The following MRTFA variants were observed in gnomAD, a reference collection of about 807,000 sequenced individuals.
MRTFA encodes the protein myocardin-related transcription factor A.
MRTFA carries 20 observed loss-of-function variants against 83.5 expected under a neutral mutation model. The ratio of observed to expected loss-of-function variants is 0.24; its 90% CI spans 0.17 to 0.35. The LOEUF is 0.35. MRTFA is among the 10% of genes least tolerant of loss of function. The pLI is 1.00. For missense variants in MRTFA, 1,200 were observed against 1,224.7 expected (o/e 0.98, Z 0.30); for synonymous variants, 659 against 541.2 (o/e 1.22, Z -3.02).
chr22:40,418,830 C>T lies in MRTFA; in HGVS notation c.1908G>A (p.Ala636=), dbSNP rs143498125. Residue 636 remains alanine, a synonymous_variant, in exon 12 of 15, where the codon GCG becomes GCA. Transcript: ENST00000355630. ...GCTTCTGCCGGAGCATGCGCGTCAG[C>T]GCCTCGATCTGCTTGTCTTTCTCCT... 2.9e-4 allele frequency: 463 copies of T among 1,611,362 alleles called. 3 individuals are homozygous for T. The Middle Eastern group carries it at 5.6e-3, about 20-fold the overall frequency.
At chr22:40,549,913 G>A (rs922092785) in intron 3 of MRTFA, among the ~76,000 whole-genome samples, 1 of 152,074 alleles carries the variant, frequency 6.6e-6, no homozygotes, top group African/African-American at 2.4e-5. Flanking sequence ...GCCATTCATG[G>A]TGGCACATGC....
At chr22:40,534,389 T>TA (rs923731967) in intron 3 of MRTFA, among the ~76,000 whole-genome samples, 42 of 152,254 alleles carry the variant, frequency 2.8e-4, no homozygotes, top group African/African-American at 9.9e-4. Context: ...AAGAGCCTCT[T>TA]ACTTGTGCCT....
At chr22:40,583,367 C>G (rs752360825) in intron 2 of MRTFA, among the ~76,000 whole-genome samples, 5 of 152,296 alleles carry the variant, frequency 3.3e-5, no homozygotes, top group Admixed American at 2.0e-4. Flanking sequence ...AATTTTCCTG[C>G]AGAAGTGCCT....
chr22:40,590,680 G>GAAAAAAAAAA (rs56366993), intron 2 of MRTFA, among the ~76,000 whole-genome samples: 1 of 81,362 alleles, frequency 1.2e-5, no homozygotes, highest in Non-Finnish European at 2.5e-5. Flanking sequence ...CTCAAAAAAA[G>GAAAAAAAAAA]AAAAAAAAAA....
At chr22:40,564,691 C>A (rs188395898) in intron 2 of MRTFA, among the ~76,000 whole-genome samples, 1 of 152,088 alleles carries the variant, frequency 6.6e-6, no homozygotes, top group Non-Finnish European at 1.5e-5. Context: ...CTTGCACCGT[C>A]GCCCAGGCTG....
At chr22:40,612,342 T>A (rs1326582385) in intron 1 of MRTFA, among the ~76,000 whole-genome samples, 11 of 152,220 alleles carry the variant, frequency 7.2e-5, no homozygotes. Flanking sequence ...GCAATGGGGC[T>A]GCAAGAAGGT....
intron 2 of MRTFA, chr22:40,587,214 C>G: frequency 2.1e-6 from 1 of 469,014 alleles, no homozygotes; most frequent in Admixed American, 2.3e-5. Flanking sequence ...AGCTTTACAC[C>G]AAGTGCCACA....
chr22:40,624,563 C>G (rs1232316805), intron 1 of MRTFA, among the ~76,000 whole-genome samples: 1 of 151,930 alleles, frequency 6.6e-6, no homozygotes, highest in Non-Finnish European at 1.5e-5. Context: ...GTAGGGAAAC[C>G]AAATAAGTAC....
intron 8 of MRTFA, 98 bp from the exon 9 acceptor site, chr22:40,423,783 T>A: frequency 8.7e-7 from 1 of 1,153,710 alleles, no homozygotes. Context: ...GCCACCATTG[T>A]CAGAGGGCAA....
At position 40,419,316 on chromosome 22, in the gene MRTFA, A is replaced by G. The variant is rs766527368; in HGVS notation, c.1422T>C (p.Ile474=). The change falls in exon 12 of 15, where the codon ATT becomes ATC. Residue 474 remains isoleucine (I), a synonymous_variant. Coordinates refer to ENST00000355630, the MANE Select transcript of MRTFA (RefSeq NM_020831.6). ...GGTCTTGATAGGCTCGAAGGCGCTC[A>G]ATCAGCTCAGTTTTGGTGCCCGAGA... 5.8e-5 allele frequency: 94 copies of G among 1,613,822 alleles called. No individual in the cohort carries two copies. Among genetic ancestry groups the G allele is most frequent in the Admixed American group, 1.0e-4 (6 of 59,988 alleles).
intron 3 of MRTFA, among the ~76,000 whole-genome samples, chr22:40,537,822 G>A (rs1602402133): frequency 4.7e-5 from 1 of 21,432 alleles, no homozygotes; most frequent in Non-Finnish European, 9.2e-5. Flanking sequence ...GAGGTGGGGG[G>A]GTCAGCCCTC....
intron 5 of MRTFA, among the ~76,000 whole-genome samples, chr22:40,434,221 G>A (rs541855096): frequency 1.3e-5 from 2 of 152,092 alleles, no homozygotes; most frequent in African/African-American, 2.4e-5. Flanking sequence ...CACAGGCAAC[G>A]CCATCCTTTC....
chr22:40,446,821 T>G (rs991400430), intron 4 of MRTFA, among the ~76,000 whole-genome samples: 1 of 152,220 alleles, frequency 6.6e-6, no homozygotes, highest in Non-Finnish European at 1.5e-5. Flanking sequence ...TGCTAACAGT[T>G]CATTACTCAT....
chr22:40,517,721 G>C (rs1007987218), intron 3 of MRTFA, among the ~76,000 whole-genome samples: 2 of 152,122 alleles, frequency 1.3e-5, no homozygotes, highest in African/African-American at 4.8e-5. Flanking sequence ...AAAAGGAGTC[G>C]TCTTTTGTTA....
chr22:40,448,991 C>T (rs1026853268), intron 4 of MRTFA, among the ~76,000 whole-genome samples: 3 of 152,110 alleles, frequency 2.0e-5, no homozygotes, highest in East Asian at 1.9e-4. Flanking sequence ...CTCAGCCGGG[C>T]GCAGTGGCTC....
At chr22:40,592,266 C>CAAAA (rs398037181) in intron 2 of MRTFA, among the ~76,000 whole-genome samples, 5 of 86,252 alleles carry the variant, frequency 5.8e-5, no homozygotes, top group East Asian at 2.8e-4. Flanking sequence ...TCAGTCTCTA[C>CAAAA]AAAAAAAAAA....
intron 7 of MRTFA, 110 bp from the exon 8 acceptor site, chr22:40,424,491 G>C: frequency 8.7e-7 from 1 of 1,153,852 alleles, no homozygotes; most frequent in Non-Finnish European, 1.2e-6. Flanking sequence ...CAGCCCACAT[G>C]CCCCGTGAGG....
At chr22:40,483,402 T>G (rs2054122754) in intron 3 of MRTFA, among the ~76,000 whole-genome samples, 1 of 149,624 alleles carries the variant, frequency 6.7e-6, no homozygotes, top group Admixed American at 6.7e-5. Flanking sequence ...AGATAGGGTC[T>G]CAGCCAGGCG....
At position 40,424,212 on chromosome 22, in the gene MRTFA, G is replaced by C. The variant is rs2052904563; in HGVS notation, c.771C>G (p.Pro257=). The change falls in exon 8 of 15, where the codon CCC becomes CCG. Residue 257 remains proline (P), a synonymous_variant. Coordinates refer to ENST00000355630, the MANE Select transcript of MRTFA (RefSeq NM_020831.6). Reference sequence around the variant, plus strand: ...TCTGGAAGCACACACTCACCTGGGTGGGGGATGCAGAGGTGGCACTGAGCA... The same window carrying C: ...TCTGGAAGCACACACTCACCTGGGTCGGGGATGCAGAGGTGGCACTGAGCA... The C allele has an allele frequency of 1.9e-6, 3 of 1,597,296 alleles. No individual in the cohort carries two copies. Among genetic ancestry groups the C allele is most frequent in the Middle Eastern group, 1.8e-4 (1 of 5,494 alleles).
Sources: gnomAD v4.1 joint callset for allele counts (sites outside exome capture counted in the v4.1 genomes callset) on GRCh38, gnomAD v4.1.1 for gene constraint, MANE v1.5 for transcripts, NCBI Gene and HGNC (gene_info 2026-07-23, HGNC 2026-07-21) for gene names.